SLC39A10: variants seen among roughly 807,000 people sequenced by gnomAD.
SLC39A10 encodes zinc transporter ZIP10.
A neutral mutation model predicts 65.1 loss-of-function variants in SLC39A10; 13 were observed. The observed-to-expected ratio is 0.20, with a 90% CI of 0.13 to 0.32. The LOEUF is 0.32. Among genes scored for constraint, SLC39A10 ranks in the 10% least tolerant of loss-of-function variants. The pLI is 1.00. For missense variants in SLC39A10, 831 were observed against 1,018.4 expected, an observed-to-expected ratio of 0.82 and a Z score of 2.50; for synonymous variants, 321 against 342.2, an observed-to-expected ratio of 0.94 and a Z score of 0.68.
chr2:195,646,930 C>T (rs1358441329), intron 2 of SLC39A10, among the ~76,000 whole-genome samples: 1 of 152,052 alleles, frequency 6.6e-6, no homozygotes, highest in African/African-American at 2.4e-5. Flanking sequence ...GAGACTGGTC[C>T]CTGGCGCCAA....
At chr2:195,661,041 TTA>T (rs1289761364) in intron 1 of SLC39A10, among the ~76,000 whole-genome samples, 1 of 152,138 alleles carries the variant, frequency 6.6e-6, no homozygotes, top group Non-Finnish European at 1.5e-5. Context: ...TAATATTATT[TTA>T]TGTGAATACT....
At chr2:195,618,626 TAATAAA>T (rs1688278865) in intron 2 of SLC39A10, among the ~76,000 whole-genome samples, 2 of 152,172 alleles carry the variant, frequency 1.3e-5, no homozygotes, top group Admixed American at 6.5e-5. Flanking sequence ...AACTTTCAAT[TAATAAA>T]AATAAACACA....
intron 2 of SLC39A10, among the ~76,000 whole-genome samples, chr2:195,681,255 G>A (rs182427110): frequency 2.0e-5 from 3 of 152,116 alleles, no homozygotes; most frequent in Admixed American, 6.6e-5. Context: ...ATCCGGGCGC[G>A]GTGGCTCACA....
intron 3 of SLC39A10, among the ~76,000 whole-genome samples, chr2:195,695,291 T>TG (rs943978343): frequency 7.9e-5 from 12 of 152,264 alleles, no homozygotes; most frequent in African/African-American, 2.9e-4. Context: ...CTGTGGGGGA[T>TG]GGGGATGTGG....
chr2:195,670,182 TG>T (rs1193760686), intron 1 of SLC39A10, among the ~76,000 whole-genome samples: 1 of 151,726 alleles, frequency 6.6e-6, no homozygotes. Context: ...AAAAGTTTTT[TG>T]TAAGCTTTTA....
Position 195,728,371 on chromosome 2 carries a change from T to G in SLC39A10, c.2337+22T>G. 6.2e-7 allele frequency: 1 copy of G among 1,601,514 alleles called. No individual in the cohort carries two copies. Among genetic ancestry groups the G allele is most frequent in the African/African-American group, 1.3e-5 (1 of 74,806 alleles). ...TATGGTAAGATATTTTATATTTTTTTGTGGTACTAAACCTGCAAATGAAAG... is the reference window on the plus strand; with the variant it reads ...TATGGTAAGATATTTTATATTTTTTGGTGGTACTAAACCTGCAAATGAAAG... On this transcript the variant is annotated intron_variant, in intron 9 of 9. Coordinates refer to ENST00000359634, the MANE Select transcript of SLC39A10 (RefSeq NM_020342.3). This position sits in a 1 kb window ranked among gnomAD's most constrained non-coding sequence, Gnocchi z 4.4.
chr2:195,696,320 A>G (rs558781655), intron 3 of SLC39A10, among the ~76,000 whole-genome samples: 2 of 6,414 alleles, frequency 3.1e-4, no homozygotes, highest in East Asian at 7.4e-3. Context: ...TTTATTTCTG[A>G]AAAAAAAAAA....
At chr2:195,707,610 ACAGGTTAATGAATCTTAAGGC>A (rs1011440207) in intron 4 of SLC39A10, among the ~76,000 whole-genome samples, 8 of 151,884 alleles carry the variant, frequency 5.3e-5, no homozygotes, top group African/African-American at 1.9e-4. Context: ...TTTTTAATAA[ACAGGTTAATGAATCTTAAGGC>A]TGTGAATATG....
chr2:195,680,112 C>T lies in SLC39A10; in HGVS notation c.70C>T (p.His24Tyr). The change falls in exon 2 of 10, where the codon CAT becomes TAT. Residue 24 changes from histidine to tyrosine, a missense_variant. Coordinates refer to ENST00000359634, the MANE Select transcript of SLC39A10 (RefSeq NM_020342.3). ...LLTFIFHHCN[H>Y]CHEEHDHGPE... ...GACATTTATTTTTCATCATTGCAAC[C>T]ATTGCCATGAAGAACATGACCATGG... is the stretch of plus-strand genomic sequence containing the variant. The T allele has an allele frequency of 6.2e-7, 1 of 1,612,730 alleles. No homozygotes were observed.
upstream of SLC39A10, among the ~76,000 whole-genome samples, chr2:195,652,410 G>A (rs1453893550): frequency 2.6e-5 from 4 of 151,974 alleles, no homozygotes; most frequent in East Asian, 1.9e-4. Flanking sequence ...CTAGCTGGGC[G>A]TGGTGGTAGG....
chr2:195,632,953 G>T (rs1038098388), intron 2 of SLC39A10, among the ~76,000 whole-genome samples: 1 of 152,116 alleles, frequency 6.6e-6, no homozygotes. Context: ...CCTTTATAAC[G>T]GGGACTAGAT....
chr2:195,690,606 T>A (rs72913229), intron 3 of SLC39A10, among the ~76,000 whole-genome samples: 13,082 of 152,218 alleles, frequency 0.086, 623 homozygotes, highest in African/African-American at 0.11. Flanking sequence ...CTGATTTGAA[T>A]TTTCCTAAAG....
chr2:195,647,664 C>A (rs926283503), intron 2 of SLC39A10, among the ~76,000 whole-genome samples: 1 of 146,860 alleles, frequency 6.8e-6, no homozygotes, highest in Non-Finnish European at 1.5e-5. Context: ...ACTTGCCATG[C>A]GATACTGTAA....
intron 8 of SLC39A10, among the ~76,000 whole-genome samples, chr2:195,722,287 A>C (rs1424779511): frequency 6.6e-6 from 1 of 152,194 alleles, no homozygotes; most frequent in Non-Finnish European, 1.5e-5. Flanking sequence ...CCTAATGTTA[A>C]ATTGATGTAA....
chr2:195,703,810 C>T (rs760409341), intron 3 of SLC39A10, among the ~76,000 whole-genome samples: 4 of 152,128 alleles, frequency 2.6e-5, no homozygotes, highest in Non-Finnish European at 4.4e-5. Flanking sequence ...CATGCCACCA[C>T]GCCCGGCTAA....
intron 2 of SLC39A10, among the ~76,000 whole-genome samples, chr2:195,614,367 G>A (rs1176404278): frequency 2.0e-5 from 3 of 151,936 alleles, no homozygotes; most frequent in Admixed American, 6.6e-5. Context: ...GTGAATTTTC[G>A]GTGCCAAAAT....
At chr2:195,679,994 A>G in intron 1 of SLC39A10, 38 bp from the exon 2 acceptor site, 17 of 1,505,712 alleles carry the variant, frequency 1.1e-5, no homozygotes, top group South Asian at 2.7e-5. Context: ...GTGTCTAGGT[A>G]GAAACTAATA....
intron 7 of SLC39A10, among the ~76,000 whole-genome samples, chr2:195,717,699 C>CATG (rs375792370): frequency 1.9e-3 from 287 of 152,258 alleles, no homozygotes; most frequent in African/African-American, 6.7e-3. Flanking sequence ...GGATTACAGG[C>CATG]ATGAGCCACC....
chr2:195,676,883 G>A (rs942100991), intron 1 of SLC39A10, among the ~76,000 whole-genome samples: 1 of 152,110 alleles, frequency 6.6e-6, no homozygotes. Flanking sequence ...TGTACCTTAT[G>A]CAGTATATCC....
Sources: allele counts gnomAD v4.1 joint callset (sites outside exome capture counted in the v4.1 genomes callset), GRCh38; gene constraint gnomAD v4.1.1; non-coding constraint Gnocchi (gnomAD v3.1); transcripts MANE v1.5; gene names NCBI Gene and HGNC (gene_info 2026-07-23, HGNC 2026-07-21).